Variants in MECOM observed in about 807,000 individuals in gnomAD.
MECOM encodes MDS1 and EVI1 complex locus, also known as histone-lysine N-methyltransferase MECOM.
MECOM carries 13 observed loss-of-function variants against 116.3 expected under a neutral mutation model. The observed-to-expected ratio is 0.11, with a 90% confidence interval of 0.07 to 0.18. The LOEUF is 0.18. Among genes scored for constraint, MECOM ranks in the 10% least tolerant of loss-of-function variants. The pLI, the probability that MECOM is intolerant of heterozygous loss-of-function variation, is 1.00. For missense variants in MECOM, 1,299 were observed against 1,509.0 expected (o/e 0.86, Z 2.31); for synonymous variants, 528 against 535.2 (o/e 0.99, Z 0.19).
At chr3:169,188,671 T>C (rs1747094344) in intron 2 of MECOM, among the ~76,000 whole-genome samples, 1 of 152,116 alleles carries the variant, frequency 6.6e-6, no homozygotes, top group South Asian at 2.1e-4. Context: ...ACTCTGCCAT[T>C]GTGCTCATTG....
At chr3:169,601,871 T>C (rs1386582059) in intron 1 of MECOM, among the ~76,000 whole-genome samples, 2 of 152,260 alleles carry the variant, frequency 1.3e-5, no homozygotes, top group Non-Finnish European at 2.9e-5. Context: ...AATGCTGCTA[T>C]ATTTATTGAC....
chr3:169,649,589 A>T (rs1252880386), intron 1 of MECOM, among the ~76,000 whole-genome samples: 1 of 152,066 alleles, frequency 6.6e-6, no homozygotes, highest in African/African-American at 2.4e-5. Context: ...TTTTCAGGAA[A>T]TTGAGTGTTT....
chr3:169,562,039 G>A (rs537499897), intron 1 of MECOM, among the ~76,000 whole-genome samples: 1 of 150,424 alleles, frequency 6.6e-6, no homozygotes, highest in African/African-American at 2.4e-5. Flanking sequence ...CCAGCTACTT[G>A]GGAGGCTGAG....
intron 2 of MECOM, among the ~76,000 whole-genome samples, chr3:169,188,350 T>C (rs1330813980): frequency 6.6e-6 from 1 of 151,764 alleles, no homozygotes. Context: ...GAAGAAATAT[T>C]GAGAGAAACA....
chr3:169,235,869 T>TA (rs796203861), intron 2 of MECOM, among the ~76,000 whole-genome samples: 13,818 of 138,340 alleles, frequency 0.1, 835 homozygotes, highest in Non-Finnish European at 0.14. Context: ...CCATTTTGCT[T>TA]AAAAAAAAAA....
At chr3:169,477,099 GTGTGTGTATATATATATATA>G (rs1428415623) in intron 1 of MECOM, 1 of 46,256 alleles carries the variant, frequency 2.2e-5, no homozygotes, top group African/African-American at 1.1e-4. Context: ...GTGTGTGTGT[GTGTGTGTATATATATATATA>G]TATATATATA....
chr3:169,197,339 TAAATAAAATA>T (rs56353314), intron 2 of MECOM, among the ~76,000 whole-genome samples: 18 of 148,140 alleles, frequency 1.2e-4, no homozygotes, highest in Admixed American at 7.4e-4. Context: ...AATAAATAAA[TAAATAAAATA>T]AAATAAAATA....
At chr3:169,357,835 G>A (rs1211440077) in intron 2 of MECOM, among the ~76,000 whole-genome samples, 1 of 151,708 alleles carries the variant, frequency 6.6e-6, no homozygotes, top group Non-Finnish European at 1.5e-5. Flanking sequence ...AGGGAAGAAA[G>A]GAAGCAAAAA....
At chr3:169,167,295 C>T (rs919422268) in intron 2 of MECOM, among the ~76,000 whole-genome samples, 9 of 152,174 alleles carry the variant, frequency 5.9e-5, no homozygotes, top group Non-Finnish European at 1.2e-4. Flanking sequence ...CATATTCACC[C>T]CCTGTGCCTT....
intron 2 of MECOM, among the ~76,000 whole-genome samples, chr3:169,359,618 T>C (rs1727859240): frequency 6.6e-6 from 1 of 151,756 alleles, no homozygotes. Flanking sequence ...CAACTATTCT[T>C]CTACCTTTAT....
intron 2 of MECOM, among the ~76,000 whole-genome samples, chr3:169,195,502 G>A (rs1443626450): frequency 6.6e-6 from 1 of 152,074 alleles, no homozygotes; most frequent in Non-Finnish European, 1.5e-5. Flanking sequence ...TTTTGACTAG[G>A]CTCACAATCA....
At chr3:169,158,967 A>G (rs1270149129) in intron 2 of MECOM, among the ~76,000 whole-genome samples, 3 of 152,168 alleles carry the variant, frequency 2.0e-5, no homozygotes, top group Admixed American at 2.0e-4. Flanking sequence ...GTACCTAGGA[A>G]GAAGTGCCAG....
chr3:169,610,555 T>C (rs1225153104), intron 1 of MECOM, among the ~76,000 whole-genome samples: 6 of 151,650 alleles, frequency 4.0e-5, no homozygotes, highest in Non-Finnish European at 7.4e-5. Context: ...ACAGATGGGA[T>C]ACTGAGCACA....
intron 2 of MECOM, among the ~76,000 whole-genome samples, chr3:169,365,433 G>A (rs1445257884): frequency 2.6e-5 from 4 of 152,006 alleles, no homozygotes; most frequent in Non-Finnish European, 5.9e-5. Context: ...CAGGTACAGA[G>A]ACTAGTCTAC....
At chr3:169,661,434 A>G (rs1485189627) in intron 1 of MECOM, among the ~76,000 whole-genome samples, 1 of 152,130 alleles carries the variant, frequency 6.6e-6, no homozygotes, top group Non-Finnish European at 1.5e-5. Context: ...TTTAAAAGCA[A>G]ACAGGGAAAA....
intron 2 of MECOM, among the ~76,000 whole-genome samples, chr3:169,252,154 ACT>A (rs927684873): frequency 2.6e-5 from 4 of 152,064 alleles, no homozygotes; most frequent in African/African-American, 7.2e-5. Context: ...TCATTTTAAA[ACT>A]CTGTCTATTA....
chr3:169,149,428 T>C (rs964448359), intron 2 of MECOM: 1 of 180,642 alleles, frequency 5.5e-6, no homozygotes, highest in Non-Finnish European at 1.2e-5. Context: ...TGGCTTCGGG[T>C]GGGGGGAGGC....
At chr3:169,329,613 C>G (rs1722407670) in intron 2 of MECOM, among the ~76,000 whole-genome samples, 1 of 152,148 alleles carries the variant, frequency 6.6e-6, no homozygotes. Context: ...GCCTCCTGAG[C>G]CAGTTCTTGT....
At chr3:169,146,486 G>A (rs1325288793) in intron 2 of MECOM, 1 of 1,382,320 alleles carries the variant, frequency 7.2e-7, no homozygotes, top group East Asian at 3.6e-5. Context: ...CCGAAGGCCG[G>A]ACGACCCACC....
Sources: gnomAD v4.1 joint callset for allele counts (sites outside exome capture counted in the v4.1 genomes callset) on GRCh38, gnomAD v4.1.1 for gene constraint, MANE v1.5 for transcripts, NCBI Gene and HGNC (gene_info 2026-07-23, HGNC 2026-07-21) for gene names.